The following FILIP1 variants were observed in gnomAD, a reference collection of about 807,000 sequenced individuals.
FILIP1 encodes the protein filamin A interacting protein 1.
FILIP1 carries 61 observed loss-of-function variants against 102.1 expected under a neutral mutation model. The ratio of observed to expected loss-of-function variants is 0.60; its 90% CI spans 0.49 to 0.74. FILIP1 has a LOEUF of 0.74. Among genes scored for constraint, FILIP1 ranks in the 30% least tolerant of loss-of-function variants. The pLI is 0.00. For synonymous variants in FILIP1, 491 were observed against 526.9 expected, an observed-to-expected ratio of 0.93 and a Z score of 0.93; for missense variants, 1,314 against 1,441.2, an observed-to-expected ratio of 0.91 and a Z score of 1.43.
In FILIP1 at chr6:75,313,784, T is replaced by G; in HGVS notation, c.2048A>C (p.Glu683Ala). The change falls in exon 5 of 6, where the codon GAG becomes GCG. Residue 683 changes from glutamate to alanine, a missense_variant. By Grantham distance (107) the Glu-to-Ala change is moderately radical. Transcript: ENST00000237172. The surrounding 1 kb of genome is among the most constrained non-coding windows in gnomAD (Gnocchi z 4.2). ...ATTCTTGGCAATTTGGTGCTTGATCTCCTCTAGTTGTTGAGAGAGGAAGTT... is the reference window on the plus strand; with the variant it reads ...ATTCTTGGCAATTTGGTGCTTGATCGCCTCTAGTTGTTGAGAGAGGAAGTT... The part of the protein sequence containing the change: ...KANFLSQQLE[E>A]IKHQIAKNKA... 1 of 1,602,678 alleles carries G rather than the reference T, an allele frequency of 6.2e-7. No homozygotes were observed. Among genetic ancestry groups the G allele is most frequent in the Non-Finnish European group, 8.5e-7 (1 of 1,176,588 alleles).
At chr6:75,298,889 G>A (rs1368015936) in intron 6 of FILIP1, among the ~76,000 whole-genome samples, 1 of 152,060 alleles carries the variant, frequency 6.6e-6, no homozygotes, top group Non-Finnish European at 1.5e-5. Flanking sequence ...CTGCACTCCA[G>A]CCTAGGCAAC....
chr6:75,387,914 T>A (rs1263197631), intron 2 of FILIP1, among the ~76,000 whole-genome samples: 1 of 152,190 alleles, frequency 6.6e-6, no homozygotes, highest in Non-Finnish European at 1.5e-5. Flanking sequence ...ATTTTGGCTT[T>A]TGTTGCCATT....
intron 4 of FILIP1, among the ~76,000 whole-genome samples, chr6:75,315,479 C>T (rs1773412509): frequency 6.6e-6 from 1 of 152,102 alleles, no homozygotes; most frequent in East Asian, 1.9e-4. Context: ...TTTAGCTTAC[C>T]TTATGAAATT....
intron 1 of FILIP1, among the ~76,000 whole-genome samples, chr6:75,421,284 G>A (rs1777454922): frequency 6.6e-6 from 1 of 152,140 alleles, no homozygotes. Flanking sequence ...TTAGATGAGT[G>A]GGAACGTACT....
intron 4 of FILIP1, chr6:75,319,663 T>C: frequency 2.9e-6 from 1 of 347,470 alleles, no homozygotes; most frequent in Non-Finnish European, 5.5e-6. Flanking sequence ...ACCCTGTCTC[T>C]ACTAAAAATA....
At chr6:75,421,360 A>T (rs1777457296) in intron 1 of FILIP1, among the ~76,000 whole-genome samples, 1 of 152,090 alleles carries the variant, frequency 6.6e-6, no homozygotes, top group Admixed American at 6.6e-5. Flanking sequence ...TTTCCCAATT[A>T]CTCTAAAGCT....
In FILIP1 at chr6:75,312,683, A is replaced by T; in HGVS notation, c.3149T>A (p.Val1050Glu). The T allele has an allele frequency of 6.2e-7, 1 of 1,614,194 alleles. No individual in the cohort carries two copies. The highest frequency in any genetic ancestry group is 8.5e-7 in the Non-Finnish European group (1 of 1,180,046). ...TPEKQTVPTPVRKYNSNANII... is the reference protein window; with the variant it reads ...TPEKQTVPTPERKYNSNANII... ...ATTGGCATTGGAGTTGTATTTCCGT[A>T]CTGGAGTTGGAACAGTCTGTTTTTC... The change falls in exon 5 of 6, where the codon GTA becomes GAA. Residue 1050 changes from valine (V) to glutamate (E), a missense_variant. Physicochemically the swap from Val to Glu is moderately radical, Grantham distance 121. Around this residue, in one of 3 missense-constraint regions of FILIP1, gnomAD observed 816 missense variants for 913.1 expected, o/e 0.89. Transcript: ENST00000237172.
chr6:75,443,006 C>A (rs1435283912), intron 1 of FILIP1, among the ~76,000 whole-genome samples: 1 of 152,124 alleles, frequency 6.6e-6, no homozygotes, highest in Non-Finnish European at 1.5e-5. Context: ...TTATGGTCCA[C>A]AGTGAAAAAT....
intron 3 of FILIP1, among the ~76,000 whole-genome samples, chr6:75,355,758 G>C (rs1324013805): frequency 6.6e-6 from 1 of 152,114 alleles, no homozygotes; most frequent in Non-Finnish European, 1.5e-5. Flanking sequence ...TTTAGTCCCT[G>C]GTGCTGAGCA....
chr6:75,432,042 T>C (rs75679193), intron 1 of FILIP1, among the ~76,000 whole-genome samples: 1,756 of 152,322 alleles, frequency 0.012, 28 homozygotes, highest in African/African-American at 0.04. Flanking sequence ...TATTTCTCCA[T>C]AGATTTCACC....
At chr6:75,487,111 A>G (rs1779810168) in intron 1 of FILIP1, among the ~76,000 whole-genome samples, 1 of 152,160 alleles carries the variant, frequency 6.6e-6, no homozygotes, top group African/African-American at 2.4e-5. Flanking sequence ...CTTATATGTA[A>G]GGCCACTCCC....
chr6:75,302,086 T>C (rs753797226), intron 6 of FILIP1, among the ~76,000 whole-genome samples: 1 of 152,160 alleles, frequency 6.6e-6, no homozygotes, highest in Non-Finnish European at 1.5e-5. Flanking sequence ...AACTCATGCA[T>C]GTACTGTGTG....
At chr6:75,336,807 A>T (rs1774258775) in intron 4 of FILIP1, among the ~76,000 whole-genome samples, 1 of 152,196 alleles carries the variant, frequency 6.6e-6, no homozygotes, top group Admixed American at 6.6e-5. Flanking sequence ...AAACTCCACT[A>T]TTGAGACTCA....
At chr6:75,443,087 A>G (rs897557128) in intron 1 of FILIP1, among the ~76,000 whole-genome samples, 2 of 152,234 alleles carry the variant, frequency 1.3e-5, no homozygotes, top group Non-Finnish European at 2.9e-5. Flanking sequence ...TCCAATTTTT[A>G]GATCAGATGA....
intron 1 of FILIP1, among the ~76,000 whole-genome samples, chr6:75,435,449 C>A (rs1562595113): frequency 6.6e-6 from 1 of 152,216 alleles, no homozygotes; most frequent in African/African-American, 2.4e-5. Context: ...ACAATTAAAT[C>A]ATGTTTGATT....
At chr6:75,338,086 AT>A (rs1774299817) in intron 4 of FILIP1, among the ~76,000 whole-genome samples, 1 of 152,186 alleles carries the variant, frequency 6.6e-6, no homozygotes, top group Non-Finnish European at 1.5e-5. Flanking sequence ...TTCCTTAAGC[AT>A]TTAAGAATAA....
intron 1 of FILIP1, among the ~76,000 whole-genome samples, chr6:75,420,226 T>C (rs1356803648): frequency 6.6e-6 from 1 of 151,994 alleles, no homozygotes; most frequent in Non-Finnish European, 1.5e-5. Flanking sequence ...TGGTGAAATA[T>C]TTTATGACGT....
intron 2 of FILIP1, among the ~76,000 whole-genome samples, chr6:75,402,071 G>T (rs1291016138): frequency 2.0e-5 from 3 of 151,904 alleles, no homozygotes; most frequent in African/African-American, 7.3e-5. Context: ...AATAATAAAA[G>T]GATTTATGAG....
rs1773312400 is a variant in FILIP1, at chr6:75,313,843, C to T, written c.1989G>A (p.Leu663=). ...LMKTEDEYDQ[L]EQKFRTEQDK... ...CCTGCTCAGTTCTAAATTTCTGTTCCAGCTGATCATACTCATCTTCTGTCT... is the reference window on the plus strand; with the variant it reads ...CCTGCTCAGTTCTAAATTTCTGTTCTAGCTGATCATACTCATCTTCTGTCT... Residue 663 remains leucine (L), a synonymous_variant, in exon 5 of 6, where the codon CTG becomes CTA. Coordinates refer to ENST00000237172, the MANE Select transcript of FILIP1 (RefSeq NM_015687.5). This position sits in a 1 kb window ranked among gnomAD's most constrained non-coding sequence, Gnocchi z 4.2. 1.9e-6 allele frequency: 3 copies of T among 1,614,052 alleles called. No homozygotes were observed. The highest frequency in any genetic ancestry group is 2.5e-6 in the Non-Finnish European group (3 of 1,180,018).
Sources: allele counts gnomAD v4.1 joint callset (sites outside exome capture counted in the v4.1 genomes callset), GRCh38; gene constraint gnomAD v4.1.1; regional missense constraint gnomAD v4.1.1; non-coding constraint Gnocchi (gnomAD v3.1); transcripts MANE v1.5; gene names NCBI Gene and HGNC (gene_info 2026-07-23, HGNC 2026-07-21).